The following GIGYF2 variants were observed in gnomAD, a reference collection of about 807,000 sequenced individuals.
The protein encoded by GIGYF2 is GRB10-interacting GYF protein 2.
In GIGYF2, 25 loss-of-function variants were observed where a neutral mutation model predicts 208.1. The observed-to-expected ratio is 0.12, with a 90% CI of 0.09 to 0.17. GIGYF2 has a LOEUF of 0.17. Ranked by LOEUF, GIGYF2 falls within the 10% of genes least tolerant of loss-of-function variation. The probability of loss-of-function intolerance (pLI) is 1.00; values close to 1 mark genes in which losing one functional copy is unlikely to be tolerated. For missense variants in GIGYF2, 1,302 were observed against 1,579.4 expected (o/e 0.82, Z 2.98); for synonymous variants, 534 against 543.8 (o/e 0.98, Z 0.25).
chr2:232,769,944 G>C (rs1305572787), intron 8 of GIGYF2, among the ~76,000 whole-genome samples: 1 of 152,086 alleles, frequency 6.6e-6, no homozygotes, highest in Non-Finnish European at 1.5e-5. Flanking sequence ...TATGATTTCT[G>C]TTTGAATCAA....
At chr2:232,827,507 T>A (rs1464176617) in intron 21 of GIGYF2, among the ~76,000 whole-genome samples, 1 of 152,218 alleles carries the variant, frequency 6.6e-6, no homozygotes, top group Non-Finnish European at 1.5e-5. Flanking sequence ...TGTGTCCTTT[T>A]AACAAAGCTG....
At chr2:232,826,154 C>T (rs9751297) in intron 21 of GIGYF2, among the ~76,000 whole-genome samples, 97,099 of 152,036 alleles carry the variant, frequency 0.64, 31,386 homozygotes, top group Admixed American at 0.68. Flanking sequence ...GAATAGTGGC[C>T]GAATAAACAT....
At chr2:232,788,816 T>C (rs1699990932) in intron 9 of GIGYF2, among the ~76,000 whole-genome samples, 1 of 152,174 alleles carries the variant, frequency 6.6e-6, no homozygotes, top group Non-Finnish European at 1.5e-5. Context: ...CATATACATA[T>C]ATATTTTTTC....
chr2:232,781,926 C>T (rs943211929), intron 8 of GIGYF2, among the ~76,000 whole-genome samples: 2 of 152,172 alleles, frequency 1.3e-5, no homozygotes, highest in Admixed American at 1.3e-4. Flanking sequence ...CCTATCCTTG[C>T]AGAAGCAAGA....
chr2:232,762,039 A>G (rs1039289424), intron 8 of GIGYF2, among the ~76,000 whole-genome samples: 3 of 151,618 alleles, frequency 2.0e-5, no homozygotes, highest in African/African-American at 2.4e-5. Context: ...TACTGTTAAG[A>G]TGAGCTTCCT....
At chr2:232,830,556 T>C (rs1295052575) in intron 21 of GIGYF2, among the ~76,000 whole-genome samples, 2 of 152,230 alleles carry the variant, frequency 1.3e-5, no homozygotes, top group Admixed American at 6.5e-5. Context: ...GTTAATATCT[T>C]ACATGAGTAT....
intron 2 of GIGYF2, among the ~76,000 whole-genome samples, chr2:232,723,691 G>T (rs1482195443): frequency 6.9e-6 from 1 of 145,730 alleles, no homozygotes; most frequent in African/African-American, 2.5e-5. Context: ...GGCCTCCAAA[G>T]TGCTGGGATT....
At chr2:232,726,138 G>T (rs868700228) in intron 2 of GIGYF2, among the ~76,000 whole-genome samples, 9 of 152,290 alleles carry the variant, frequency 5.9e-5, no homozygotes, top group African/African-American at 2.2e-4. Flanking sequence ...GGGAAGCCAA[G>T]GCGGGTGGAT....
chr2:232,728,947 TC>T (rs1697329989), intron 2 of GIGYF2, among the ~76,000 whole-genome samples: 1 of 152,106 alleles, frequency 6.6e-6, no homozygotes, highest in South Asian at 2.1e-4. Flanking sequence ...CTTTTCCTTT[TC>T]CTTTTCTCTT....
chr2:232,778,998 T>A (rs934497044), intron 8 of GIGYF2, among the ~76,000 whole-genome samples: 7 of 152,164 alleles, frequency 4.6e-5, no homozygotes, highest in African/African-American at 7.2e-5. Flanking sequence ...TCCCTGTGCT[T>A]GCTGTTCCCT....
intron 2 of GIGYF2, among the ~76,000 whole-genome samples, chr2:232,733,150 G>T (rs528810517): frequency 6.6e-6 from 1 of 151,914 alleles, no homozygotes; most frequent in Admixed American, 6.6e-5. Context: ...CCAGCTACTC[G>T]GGAGGCTGAG....
At chr2:232,702,284 C>G (rs772863457) in intron 1 of GIGYF2, among the ~76,000 whole-genome samples, 1 of 151,498 alleles carries the variant, frequency 6.6e-6, no homozygotes, top group Non-Finnish European at 1.5e-5. Context: ...ACTAAAAATA[C>G]AAAAATTAGC....
chr2:232,704,483 C>T (rs1695996790), intron 2 of GIGYF2, among the ~76,000 whole-genome samples: 1 of 152,078 alleles, frequency 6.6e-6, no homozygotes, highest in South Asian at 2.1e-4. Flanking sequence ...CAGCTCACTG[C>T]AGCTTCTGTC....
chr2:232,730,621 G>C (rs1354839736), intron 2 of GIGYF2, among the ~76,000 whole-genome samples: 2 of 129,414 alleles, frequency 1.5e-5, no homozygotes, highest in Non-Finnish European at 3.2e-5. Context: ...AAAAAAGGCC[G>C]GGCGCGGTGG....
chr2:232,840,896 A>G (rs1031793964), intron 23 of GIGYF2, among the ~76,000 whole-genome samples: 19 of 152,116 alleles, frequency 1.2e-4, no homozygotes, highest in Non-Finnish European at 7.4e-5. Flanking sequence ...AGAGAATGTA[A>G]GTTGTCATTT....
intron 1 of GIGYF2, among the ~76,000 whole-genome samples, chr2:232,702,015 A>T (rs1021840703): frequency 1.3e-5 from 2 of 152,068 alleles, no homozygotes; most frequent in African/African-American, 4.8e-5. Flanking sequence ...TTTTTAAAAA[A>T]TTAGCTGAGT....
At position 232,858,619 on chromosome 2, in the gene GIGYF2, T is replaced by C. The variant is rs1446039426; in HGVS notation, c.*1759T>C. The C allele has an allele frequency of 2.2e-6, 1 of 453,522 alleles. No homozygotes were observed. The highest frequency in any genetic ancestry group is 6.9e-5 in the East Asian group (1 of 14,400). 28.1% of individuals were successfully genotyped at this position (453,522 alleles called of 1,614,324 possible). A position where few individuals can be genotyped will look rare whatever the true frequency, so the allele number is the denominator to read the frequency against. On this transcript the variant is annotated 3_prime_UTR_variant, in exon 29 of 29. Coordinates refer to ENST00000373563, the MANE Select transcript of GIGYF2 (RefSeq NM_001103146.3). ...AAAAAGAACTTAAATAAAATCTGAT[T>C]GTATTCTATCTGAGTGCACCTCTTG...
At chr2:232,756,103 A>G (rs181738453) in intron 5 of GIGYF2, 120 bp from the exon 6 acceptor site, 3 of 636,730 alleles carry the variant, frequency 4.7e-6, no homozygotes, top group East Asian at 5.5e-5. Context: ...TAGTAATTAG[A>G]TGCCTTTTTA....
rs1192634960 is a variant in GIGYF2 at position 232,760,652 on chromosome 2, T to C, written c.491+61T>C. 5 of 1,062,982 alleles carry C rather than the reference T, an allele frequency of 4.7e-6. No homozygotes were observed. The East Asian group carries it at 1.2e-4, about 26-fold the overall frequency. The allele number at this position is 1,062,982 out of a possible 1,614,324, so 65.8% of individuals were successfully genotyped here. A position where few individuals can be genotyped will look rare whatever the true frequency, so the allele number is the denominator to read the frequency against. The stretch of plus-strand genomic sequence containing the variant: ...GGCATATAAAACTTATATTTTTTGC[T>C]TTCTGCGGGGAGAAATGTTTTTGTA... On this transcript the variant is annotated intron_variant, in intron 7 of 28. Transcript: ENST00000373563.
Sources: gnomAD v4.1 joint callset for allele counts (sites outside exome capture counted in the v4.1 genomes callset) on GRCh38, gnomAD v4.1.1 for gene constraint, MANE v1.5 for transcripts, NCBI Gene and HGNC (gene_info 2026-07-23, HGNC 2026-07-21) for gene names.